The following FRMD1 variants were observed in gnomAD, a reference collection of about 807,000 sequenced individuals.
FRMD1 encodes FERM domain containing 1.
In FRMD1, 51 loss-of-function variants were observed where a neutral mutation model predicts 54.9. The observed-to-expected ratio is 0.93, with a 90% CI of 0.74 to 1.17. The LOEUF is 1.17. FRMD1 is among the 50% of genes most tolerant of loss of function. The pLI is 0.00. For missense variants in FRMD1, 729 were observed against 743.0 expected (o/e 0.98, Z 0.22); for synonymous variants, 324 against 306.4 (o/e 1.06, Z -0.60).
intron 2 of FRMD1, among the ~76,000 whole-genome samples, chr6:168,071,727 C>A (rs1800315998): frequency 6.6e-6 from 1 of 152,228 alleles, no homozygotes; most frequent in Non-Finnish European, 1.5e-5. Flanking sequence ...CCTGGGAACT[C>A]CCTCCGCAGG....
chr6:168,090,595 G>A (rs1169649527), intron 1 of FRMD1, among the ~76,000 whole-genome samples: 4 of 152,206 alleles, frequency 2.6e-5, no homozygotes, highest in African/African-American at 7.2e-5. Context: ...TGCATACGGC[G>A]TTTAGAGTAA....
At chr6:168,089,341 T>C (rs1156259934) in intron 1 of FRMD1, among the ~76,000 whole-genome samples, 1 of 152,214 alleles carries the variant, frequency 6.6e-6, no homozygotes, top group Non-Finnish European at 1.5e-5. Context: ...GAGAACGTTT[T>C]TGTGGAGCAA....
chr6:168,089,237 A>G (rs1583215531), intron 1 of FRMD1, among the ~76,000 whole-genome samples: 2 of 152,284 alleles, frequency 1.3e-5, no homozygotes, highest in East Asian at 1.9e-4. Context: ...CCTCAGCTGT[A>G]TAGGGAGATC....
At chr6:168,084,527 G>T (rs1408349430), upstream of FRMD1, among the ~76,000 whole-genome samples, 5 of 152,178 alleles carry the variant, frequency 3.3e-5, no homozygotes, top group African/African-American at 1.2e-4. Flanking sequence ...GGACCAAGAA[G>T]AAAACCCCAG....
intron 1 of FRMD1, among the ~76,000 whole-genome samples, chr6:168,077,903 C>A (rs1029414397): frequency 6.6e-6 from 1 of 152,192 alleles, no homozygotes; most frequent in African/African-American, 2.4e-5. Flanking sequence ...TCCAGCTTCT[C>A]GTTGCTGGGT....
chr6:168,063,556 C>T (rs752517279), intron 6 of FRMD1, 45 bp downstream of exon 6: 3 of 1,557,488 alleles, frequency 1.9e-6, no homozygotes, highest in Non-Finnish European at 2.6e-6. Context: ...GCATCCCTGG[C>T]CTGGAGTCAG....
chr6:168,061,166 G>T, intron 8 of FRMD1, 109 bp from the exon 9 acceptor site: 1 of 1,126,542 alleles, frequency 8.9e-7, no homozygotes, highest in Non-Finnish European at 1.2e-6. Flanking sequence ...CCCAGATGAG[G>T]ACGTGGAACA....
rs1800050700 is a variant in FRMD1, at chr6:168,066,783, G to T, written c.433C>A (p.His145Asn). ...APFVAFLRVQ[H>N]YVENGRVISD... is the part of the protein sequence containing the mutation. The stretch of plus-strand genomic sequence containing the variant: ...ATGACCCTTCCGTTTTCCACGTAGT[G>T]CTGCACTCGGAGGAAGGCCACGAAG... Residue 145 changes from histidine to asparagine, a missense_variant, in exon 4 of 11, where the codon CAC (histidine) becomes AAC (asparagine). His to Asn is a moderately conservative substitution (Grantham distance 68). Coordinates refer to ENST00000283309, the MANE Select transcript of FRMD1 (RefSeq NM_024919.6). The T allele has an allele frequency of 6.2e-7, 1 of 1,614,048 alleles. No individual in the cohort carries two copies. The highest frequency in any genetic ancestry group is 2.2e-5 in the East Asian group (1 of 44,864).
chr6:168,057,731 G>T (rs1223025923), intron 10 of FRMD1: 2 of 213,450 alleles, frequency 9.4e-6, no homozygotes, highest in South Asian at 7.0e-5. Context: ...AAACTGTCTG[G>T]GTTCAGAGGT....
At chr6:168,065,862 C>T (rs1800000858) in intron 4 of FRMD1, 1 of 1,000,106 alleles carries the variant, frequency 1.0e-6, no homozygotes, top group Non-Finnish European at 1.2e-6. Context: ...GGGAAACCCC[C>T]TTAGGTTTTC....
upstream of FRMD1, among the ~76,000 whole-genome samples, chr6:168,085,997 A>C (rs1800911680): frequency 6.6e-6 from 1 of 152,266 alleles, no homozygotes; most frequent in Non-Finnish European, 1.5e-5. Flanking sequence ...AAGTGCAAAG[A>C]GTAGAACATA....
At chr6:168,058,904 C>T (rs941788362) in intron 10 of FRMD1, among the ~76,000 whole-genome samples, 5 of 152,174 alleles carry the variant, frequency 3.3e-5, no homozygotes, top group Admixed American at 1.3e-4. Context: ...CACAGTGAGC[C>T]GACTCACTCG....
chr6:168,082,446 G>A (rs536648096), upstream of FRMD1, among the ~76,000 whole-genome samples: 1 of 152,204 alleles, frequency 6.6e-6, no homozygotes, highest in Admixed American at 6.5e-5. Context: ...GCTGGAAGGA[G>A]CCCAGGGGTG....
intron 3 of FRMD1, 92 bp downstream of exon 3, chr6:168,067,275 C>T (rs747225234): frequency 2.3e-5 from 19 of 822,012 alleles, no homozygotes; most frequent in African/African-American, 5.1e-5. Flanking sequence ...CAGCCCACCG[C>T]GGTGCCTGCT....
Position 168,059,495 on chromosome 6 carries a change from G to A in FRMD1, c.1343-307C>T, listed in dbSNP as rs529017750. 6.6e-6 allele frequency among the ~76,000 whole-genome samples: 1 copy of A among 152,308 alleles called. No individual in the cohort carries two copies. Among genetic ancestry groups the A allele is most frequent in the African/African-American group, 2.4e-5 (1 of 41,568 alleles). ...CTTCCTGGTGGACCAGACACTCCAAGGGCAATGGCGGACACAGTGGCTTAG... is the reference window on the plus strand; with the variant it reads ...CTTCCTGGTGGACCAGACACTCCAAAGGCAATGGCGGACACAGTGGCTTAG... On this transcript the variant is annotated intron_variant, in intron 9 of 10. Transcript: ENST00000283309. The surrounding 1 kb of genome is among the most constrained non-coding windows in gnomAD (Gnocchi z 4.4).
intron 4 of FRMD1, chr6:168,065,527 C>T: frequency 2.0e-6 from 2 of 988,528 alleles, no homozygotes; most frequent in Non-Finnish European, 2.4e-6. Context: ...GAGGCTCGCC[C>T]AAGATGCAGG....
Position 168,075,349 on chromosome 6 carries a change from G to A in FRMD1, c.214-14C>T, listed in dbSNP as rs762563547. ...AGTAGCCTTCACCTGCAAAAGAGGTGGGGAGGGGTTCAGGGAGGGGCCGGC... is the reference window on the plus strand; with the variant it reads ...AGTAGCCTTCACCTGCAAAAGAGGTAGGGAGGGGTTCAGGGAGGGGCCGGC... On this transcript the variant is annotated splice_polypyrimidine_tract_variant and intron_variant, in intron 1 of 10. Coordinates refer to ENST00000283309, the MANE Select transcript of FRMD1 (RefSeq NM_024919.6). 5 of 1,609,348 alleles carry A rather than the reference G, an allele frequency of 3.1e-6. No individual in the cohort carries two copies. Among genetic ancestry groups the A allele is most frequent in the Non-Finnish European group, 4.2e-6 (5 of 1,178,140 alleles).
chr6:168,090,109 T>C (rs924437690), intron 1 of FRMD1, among the ~76,000 whole-genome samples: 5 of 152,124 alleles, frequency 3.3e-5, no homozygotes, highest in Admixed American at 2.0e-4. Flanking sequence ...AGCCTCCATC[T>C]GACCCCGTTC....
At chr6:168,064,131 G>A (rs951651613) in intron 5 of FRMD1, among the ~76,000 whole-genome samples, 1 of 152,202 alleles carries the variant, frequency 6.6e-6, no homozygotes, top group South Asian at 2.1e-4. Flanking sequence ...AATCACTGAG[G>A]GTGGAAATGT....
Sources: allele counts gnomAD v4.1 joint callset (sites outside exome capture counted in the v4.1 genomes callset), GRCh38; gene constraint gnomAD v4.1.1; non-coding constraint Gnocchi (gnomAD v3.1); transcripts MANE v1.5; gene names NCBI Gene and HGNC (gene_info 2026-07-23, HGNC 2026-07-21).